The following PITPNC1 variants were observed in gnomAD, a reference collection of about 807,000 sequenced individuals.
The protein encoded by PITPNC1 is phosphatidylinositol transfer protein cytoplasmic 1.
In PITPNC1, 18 loss-of-function variants were observed where a neutral mutation model predicts 44.7. The observed-to-expected ratio is 0.40, with a 90% CI of 0.28 to 0.60. The LOEUF is 0.60. Ranked by LOEUF, PITPNC1 falls within the 20% of genes least tolerant of loss-of-function variation. The probability of loss-of-function intolerance (pLI) is 0.39; values close to 1 mark genes in which losing one functional copy is unlikely to be tolerated. For synonymous variants in PITPNC1, 141 were observed against 149.6 expected, an observed-to-expected ratio of 0.94 and a Z score of 0.42; for missense variants, 290 against 418.4, an observed-to-expected ratio of 0.69 and a Z score of 2.68.
chr17:67,397,347 C>T (rs565664842), intron 1 of PITPNC1, among the ~76,000 whole-genome samples: 1 of 147,894 alleles, frequency 6.8e-6, no homozygotes, highest in East Asian at 1.9e-4. Flanking sequence ...AGCCAGATCC[C>T]TGGTATCACA....
chr17:67,512,772 CTT>C (rs66468403), intron 1 of PITPNC1, among the ~76,000 whole-genome samples: 3 of 146,786 alleles, frequency 2.0e-5, no homozygotes, highest in Admixed American at 6.8e-5. Context: ...ATTTTATTGA[CTT>C]TTTTTTTTTA....
chr17:67,378,323 C>G, intron 1 of PITPNC1, 121 bp downstream of exon 1: 1 of 584,066 alleles, frequency 1.7e-6, no homozygotes, highest in South Asian at 2.6e-5. Flanking sequence ...CCCGCAAACC[C>G]GAAGCCTGGA....
At chr17:67,383,259 A>G (rs1420325588) in intron 1 of PITPNC1, among the ~76,000 whole-genome samples, 1 of 152,138 alleles carries the variant, frequency 6.6e-6, no homozygotes, top group Non-Finnish European at 1.5e-5. Context: ...TTCATTTTAT[A>G]ATGAAGTCTA....
chr17:67,546,788 G>A (rs548455728), intron 2 of PITPNC1, among the ~76,000 whole-genome samples: 58 of 152,170 alleles, frequency 3.8e-4, no homozygotes, highest in African/African-American at 1.2e-3. Flanking sequence ...GGGAGGCCCC[G>A]GCAGCCTTGC....
chr17:67,432,529 A>G (rs1293806354), intron 1 of PITPNC1, among the ~76,000 whole-genome samples: 3 of 148,850 alleles, frequency 2.0e-5, no homozygotes, highest in Non-Finnish European at 4.5e-5. Flanking sequence ...ATAAATAAAT[A>G]ATAAAATAAA....
chr17:67,609,378 C>T (rs1220378247), intron 5 of PITPNC1, among the ~76,000 whole-genome samples: 8 of 151,144 alleles, frequency 5.3e-5, no homozygotes, highest in Non-Finnish European at 2.9e-5. Flanking sequence ...CAACCTCTGC[C>T]TCCCGGGTTC....
At chr17:67,536,873 TC>T (rs1214750844) in intron 2 of PITPNC1, among the ~76,000 whole-genome samples, 2 of 152,080 alleles carry the variant, frequency 1.3e-5, no homozygotes, top group East Asian at 3.9e-4. Flanking sequence ...TTCTGATGTC[TC>T]CCCACTTCAT....
At position 67,532,888 on chromosome 17, in the gene PITPNC1, G is replaced by T. The variant is rs745707129; in HGVS notation, c.135G>T (p.Glu45Asp). The T allele has an allele frequency of 6.2e-7, 1 of 1,609,236 alleles. No individual in the cohort carries two copies. The highest frequency in any genetic ancestry group is 8.5e-7 in the Non-Finnish European group (1 of 1,178,058). ...AAGGGGTGGAGGTCGTCCAGAATGA[G>T]CCCTTTGAGGACCCTCACCATGGCA... Reference protein sequence around the residue: ...RGEGVEVVQNEPFEDPHHGNG... With the variant: ...RGEGVEVVQNDPFEDPHHGNG... Residue 45 changes from glutamate to aspartate, a missense_variant, in exon 2 of 9, where the codon GAG (glutamate) becomes GAT (aspartate). Glu to Asp is a conservative substitution (Grantham distance 45). Coordinates refer to ENST00000581322, the MANE Select transcript of PITPNC1 (RefSeq NM_012417.4).
chr17:67,470,222 C>A (rs1374015411), intron 1 of PITPNC1, among the ~76,000 whole-genome samples: 7 of 152,104 alleles, frequency 4.6e-5, no homozygotes, highest in Non-Finnish European at 1.0e-4. Flanking sequence ...CACACCTGGC[C>A]ATATTGTGAT....
Position 67,378,065 on chromosome 17 carries a change from G to T in PITPNC1, c.-90G>T. 1 of 781,754 alleles carries T rather than the reference G, an allele frequency of 1.3e-6. No individual in the cohort carries two copies. The allele number at this position is 781,754 out of a possible 1,614,324, so 48.4% of individuals were successfully genotyped here. On this transcript the variant is annotated 5_prime_UTR_variant, in exon 1 of 9. Coordinates refer to ENST00000581322, the MANE Select transcript of PITPNC1 (RefSeq NM_012417.4). Reference sequence around the variant, plus strand: ...CCTCCGGCTCCGAGCGCCGGGCTCCGGGCGCCCTGCCCTGCGCCTGGGCAG... The same window carrying T: ...CCTCCGGCTCCGAGCGCCGGGCTCCTGGCGCCCTGCCCTGCGCCTGGGCAG...
At chr17:67,506,438 G>A (rs2040101712) in intron 1 of PITPNC1, among the ~76,000 whole-genome samples, 1 of 152,170 alleles carries the variant, frequency 6.6e-6, no homozygotes, top group Non-Finnish European at 1.5e-5. Flanking sequence ...CCCTCATGGG[G>A]TGGGGAAAGC....
At chr17:67,647,478 T>TTTTTTTG (rs1555576649) in intron 6 of PITPNC1, among the ~76,000 whole-genome samples, 2,577 of 128,328 alleles carry the variant, frequency 0.02, 28 homozygotes, top group Middle Eastern at 0.038. Context: ...TTTTTTTTTT[T>TTTTTTTG]TTTTTTTTTT....
chr17:67,540,861 C>A (rs1356109898), intron 2 of PITPNC1, among the ~76,000 whole-genome samples: 2 of 152,196 alleles, frequency 1.3e-5, no homozygotes, highest in African/African-American at 2.4e-5. Context: ...GGCTAAATAT[C>A]TAGAAGATAT....
At chr17:67,564,747 A>G (rs1452832888) in intron 4 of PITPNC1, among the ~76,000 whole-genome samples, 1 of 152,170 alleles carries the variant, frequency 6.6e-6, no homozygotes, top group African/African-American at 2.4e-5. Flanking sequence ...AAGATAATAT[A>G]GTTACTCTGG....
intron 5 of PITPNC1, among the ~76,000 whole-genome samples, chr17:67,596,669 C>T (rs916850644): frequency 6.6e-6 from 1 of 152,080 alleles, no homozygotes; most frequent in Non-Finnish European, 1.5e-5. Context: ...AGCCACCACG[C>T]CTGGCTTGAG....
chr17:67,585,932 C>T (rs969227645), intron 5 of PITPNC1, among the ~76,000 whole-genome samples: 1 of 152,172 alleles, frequency 6.6e-6, no homozygotes, highest in Non-Finnish European at 1.5e-5. Context: ...GGACTTTCAG[C>T]CTCCAGAGCT....
intron 1 of PITPNC1, among the ~76,000 whole-genome samples, chr17:67,502,997 TG>T (rs1247259173): frequency 2.0e-5 from 3 of 152,070 alleles, no homozygotes; most frequent in African/African-American, 4.8e-5. Flanking sequence ...GGTCTCACCA[TG>T]TTGGCCAGGC....
intron 4 of PITPNC1, among the ~76,000 whole-genome samples, chr17:67,568,898 C>T (rs568763140): frequency 1.3e-5 from 2 of 152,236 alleles, no homozygotes; most frequent in African/African-American, 2.4e-5. Flanking sequence ...TTTTAGCTTA[C>T]GTTTTTGCCA....
rs2040858399 is a variant in PITPNC1 at position 67,557,756 on chromosome 17, A to T, written c.294+4139A>T. On this transcript the variant is annotated intron_variant, in intron 4 of 8. Coordinates refer to ENST00000581322, the MANE Select transcript of PITPNC1 (RefSeq NM_012417.4). ...TCTGACTACAGAGTCTGCACCCAGG[A>T]TTTATGACAGATGCTTTCAGTTGCC... is the stretch of plus-strand genomic sequence containing the variant. Among the ~76,000 whole-genome samples the T allele has an allele frequency of 1.3e-5, 2 of 152,200 alleles. 1 individual carries two copies. Among genetic ancestry groups the T allele is most frequent in the South Asian group, 4.1e-4 (2 of 4,836 alleles).
Sources: gnomAD v4.1 joint callset for allele counts (sites outside exome capture counted in the v4.1 genomes callset) on GRCh38, gnomAD v4.1.1 for gene constraint, MANE v1.5 for transcripts, NCBI Gene and HGNC (gene_info 2026-07-23, HGNC 2026-07-21) for gene names.